The following OSBPL1A variants were observed in gnomAD, a reference collection of about 807,000 sequenced individuals.
OSBPL1A encodes oxysterol binding protein like 1A, also known as oxysterol-binding protein-related protein 1.
OSBPL1A carries 80 observed loss-of-function variants against 137.1 expected under a neutral mutation model. That is an observed-to-expected ratio of 0.58 (90% CI 0.49 to 0.70). The LOEUF is 0.70. Among genes scored for constraint, OSBPL1A ranks in the 30% least tolerant of loss-of-function variants. The pLI is 0.00. For missense variants in OSBPL1A, 970 were observed against 1,129.4 expected (o/e 0.86, Z 2.02); for synonymous variants, 365 against 389.7 (o/e 0.94, Z 0.75).
intron 1 of OSBPL1A, among the ~76,000 whole-genome samples, chr18:24,388,126 T>C (rs1286837588): frequency 6.6e-6 from 1 of 152,196 alleles, no homozygotes; most frequent in African/African-American, 2.4e-5. Context: ...TCTGACTTGC[T>C]CTCTCCATCT....
intron 16 of OSBPL1A, among the ~76,000 whole-genome samples, chr18:24,237,461 C>T (rs530839868): frequency 8.3e-4 from 126 of 152,188 alleles, no homozygotes; most frequent in Middle Eastern, 3.4e-3. Flanking sequence ...TGCACCATCA[C>T]GCCTGGCTAA....
At chr18:24,309,673 C>T (rs140646305) in intron 13 of OSBPL1A, among the ~76,000 whole-genome samples, 1 of 152,278 alleles carries the variant, frequency 6.6e-6, no homozygotes, top group Non-Finnish European at 1.5e-5. Context: ...TACTGACAAG[C>T]TATGATTCAA....
At chr18:24,298,361 G>T (rs937731938) in intron 14 of OSBPL1A, among the ~76,000 whole-genome samples, 1 of 152,024 alleles carries the variant, frequency 6.6e-6, no homozygotes, top group Non-Finnish European at 1.5e-5. Context: ...CTGTGGACTT[G>T]CCCTGAGTTC....
chr18:24,250,432 T>C (rs1416000220), intron 15 of OSBPL1A, among the ~76,000 whole-genome samples: 1 of 152,132 alleles, frequency 6.6e-6, no homozygotes, highest in Non-Finnish European at 1.5e-5. Context: ...CGCCTCAGCC[T>C]CCCAAAGTCC....
At chr18:24,173,232 C>T (rs1307757355) in intron 21 of OSBPL1A, among the ~76,000 whole-genome samples, 1 of 152,034 alleles carries the variant, frequency 6.6e-6, no homozygotes, top group African/African-American at 2.4e-5. Flanking sequence ...GATGAATAGA[C>T]ACTGGGGCCT....
intron 18 of OSBPL1A, among the ~76,000 whole-genome samples, chr18:24,188,930 C>A (rs1476241773): frequency 6.6e-6 from 1 of 152,168 alleles, no homozygotes; most frequent in East Asian, 1.9e-4. Context: ...ATGTATACAA[C>A]CAATATGTGT....
chr18:24,200,972 G>A (rs1323764412), intron 17 of OSBPL1A, among the ~76,000 whole-genome samples: 2 of 152,076 alleles, frequency 1.3e-5, no homozygotes, highest in Non-Finnish European at 2.9e-5. Flanking sequence ...TTCCCGAATG[G>A]TGTTGGATGG....
intron 14 of OSBPL1A, among the ~76,000 whole-genome samples, chr18:24,287,480 T>C (rs911233726): frequency 5.3e-5 from 8 of 152,174 alleles, no homozygotes; most frequent in Admixed American, 1.3e-4. Context: ...TTCTAGACTT[T>C]GGCAGAAGTA....
intron 15 of OSBPL1A, among the ~76,000 whole-genome samples, chr18:24,260,101 A>G (rs1478068225): frequency 6.6e-6 from 1 of 152,224 alleles, no homozygotes; most frequent in Non-Finnish European, 1.5e-5. Flanking sequence ...AATGCAAATC[A>G]TAAACACAAT....
At chr18:24,226,697 G>A (rs984679745) in intron 16 of OSBPL1A, among the ~76,000 whole-genome samples, 1 of 152,114 alleles carries the variant, frequency 6.6e-6, no homozygotes, top group Non-Finnish European at 1.5e-5. Flanking sequence ...GGAGAACGAC[G>A]GTTGGACCAG....
chr18:24,290,732 AC>A (rs2090160871), intron 14 of OSBPL1A, among the ~76,000 whole-genome samples: 1 of 152,152 alleles, frequency 6.6e-6, no homozygotes. Context: ...AACAACAACA[AC>A]AAAATAGATG....
intron 14 of OSBPL1A, among the ~76,000 whole-genome samples, chr18:24,285,298 C>T (rs1306100886): frequency 6.6e-6 from 1 of 152,072 alleles, no homozygotes; most frequent in Admixed American, 6.6e-5. Context: ...TATCTTATTC[C>T]ACATCTTGCT....
At chr18:24,195,940 G>C (rs1477910459) in intron 18 of OSBPL1A, 185 bp downstream of exon 18, 1 of 548,572 alleles carries the variant, frequency 1.8e-6, no homozygotes, top group Non-Finnish European at 3.2e-6. Context: ...GCACACTAAA[G>C]CCATTAGAGC....
At chr18:24,272,213 C>G in intron 15 of OSBPL1A, 1 of 983,874 alleles carries the variant, frequency 1.0e-6, no homozygotes, top group East Asian at 1.1e-4. Flanking sequence ...TCGGCCCTCT[C>G]CTGGAGACAC....
chr18:24,168,513 G>A (rs748868102), intron 24 of OSBPL1A, among the ~76,000 whole-genome samples: 1 of 152,210 alleles, frequency 6.6e-6, no homozygotes, highest in African/African-American at 2.4e-5. Context: ...TGCTAGTGCT[G>A]TATGTATGCA....
chr18:24,382,745 G>A lies in OSBPL1A; in HGVS notation c.-2-5210C>T, dbSNP rs140951017. Reference sequence around the variant, plus strand: ...CAAAAATTAAGCCAGGCATGGTGGTGCGCGCCTGTAGTCTCCGCTACCTGA... The same window carrying A: ...CAAAAATTAAGCCAGGCATGGTGGTACGCGCCTGTAGTCTCCGCTACCTGA... On this transcript the variant is annotated intron_variant, in intron 1 of 27. Transcript: ENST00000319481. Among the ~76,000 whole-genome samples the A allele has an allele frequency of 5.9e-3, 900 of 151,800 alleles. 6 individuals carry two copies. The highest frequency in any genetic ancestry group is 0.019 in the African/African-American group (782 of 41,374).
At chr18:24,168,719 G>T (rs577922514) in intron 24 of OSBPL1A, among the ~76,000 whole-genome samples, 1 of 152,120 alleles carries the variant, frequency 6.6e-6, no homozygotes, top group African/African-American at 2.4e-5. Flanking sequence ...CAAACTTCCC[G>T]CAGCGTCTGT....
chr18:24,379,575 G>A (rs1007715923), intron 1 of OSBPL1A, among the ~76,000 whole-genome samples: 2 of 151,332 alleles, frequency 1.3e-5, no homozygotes, highest in East Asian at 1.9e-4. Context: ...ACATTGAAAC[G>A]AAGTTCTAAA....
At chr18:24,184,630 G>C (rs1599453700) in intron 18 of OSBPL1A, among the ~76,000 whole-genome samples, 1 of 152,096 alleles carries the variant, frequency 6.6e-6, no homozygotes, top group Non-Finnish European at 1.5e-5. Flanking sequence ...TACTGTTATA[G>C]TATGGGTGGT....
Sources: gnomAD v4.1 joint callset for allele counts (sites outside exome capture counted in the v4.1 genomes callset) on GRCh38, gnomAD v4.1.1 for gene constraint, MANE v1.5 for transcripts, NCBI Gene and HGNC (gene_info 2026-07-23, HGNC 2026-07-21) for gene names.